The following RALGPS1 variants were observed in gnomAD, a reference collection of about 807,000 sequenced individuals.
RALGPS1 encodes the protein ras-specific guanine nucleotide-releasing factor RalGPS1.
Under a neutral mutation model 78.8 loss-of-function variants are expected in RALGPS1, and 19 were observed. The ratio of observed to expected loss-of-function variants is 0.24; its 90% CI spans 0.17 to 0.35. RALGPS1 has a LOEUF of 0.35. Ranked by LOEUF, RALGPS1 falls within the 10% of genes least tolerant of loss-of-function variation. The pLI is 1.00. For synonymous variants in RALGPS1, 228 were observed against 256.3 expected (o/e 0.89, Z 1.06); for missense variants, 454 against 688.3 (o/e 0.66, Z 3.81).
chr9:127,068,812 A>C (rs540051686), intron 7 of RALGPS1, among the ~76,000 whole-genome samples: 112 of 152,114 alleles, frequency 7.4e-4, no homozygotes, highest in Non-Finnish European at 1.4e-3. Context: ...GGTCATATTT[A>C]TATATGTTTT....
chr9:127,087,557 G>T (rs999671163), intron 8 of RALGPS1: 4 of 152,580 alleles, frequency 2.6e-5, no homozygotes, highest in Admixed American at 1.3e-4. Flanking sequence ...ACCGGGAAGG[G>T]TCTCACCTTC....
At chr9:127,175,677 CTTTTTTT>C (rs11354346) in intron 11 of RALGPS1, among the ~76,000 whole-genome samples, 1 of 108,982 alleles carries the variant, frequency 9.2e-6, no homozygotes, top group South Asian at 2.9e-4. Flanking sequence ...TTTGGGCCTC[CTTTTTTT>C]TTTTTTTTTT....
At chr9:127,200,605 G>C (rs2061581381) in intron 14 of RALGPS1, among the ~76,000 whole-genome samples, 1 of 152,228 alleles carries the variant, frequency 6.6e-6, no homozygotes, top group Admixed American at 6.5e-5. Flanking sequence ...GTTGGTGGGG[G>C]AGTGGCGATA....
chr9:126,930,734 C>T (rs907350545), intron 1 of RALGPS1, among the ~76,000 whole-genome samples: 2 of 152,244 alleles, frequency 1.3e-5, no homozygotes, highest in African/African-American at 4.8e-5. Flanking sequence ...GCTGGGATTA[C>T]AGGCGTGAGC....
At chr9:127,146,742 C>T (rs1232724586) in intron 8 of RALGPS1, among the ~76,000 whole-genome samples, 1 of 152,136 alleles carries the variant, frequency 6.6e-6, no homozygotes, top group East Asian at 1.9e-4. Flanking sequence ...TGGGGTCTCA[C>T]CATGTTGGCC....
intron 8 of RALGPS1, among the ~76,000 whole-genome samples, chr9:127,162,687 G>T (rs2059089639): frequency 6.6e-6 from 1 of 152,170 alleles, no homozygotes; most frequent in South Asian, 2.1e-4. Context: ...ACGTTTTGTA[G>T]AGGGGAATTA....
At chr9:127,102,867 C>A (rs537432551) in intron 8 of RALGPS1, among the ~76,000 whole-genome samples, 16 of 152,316 alleles carry the variant, frequency 1.1e-4, no homozygotes, top group Admixed American at 8.5e-4. Context: ...TTAACAAAAC[C>A]TTTTAGAATA....
At chr9:126,998,342 A>G (rs1031851444) in intron 4 of RALGPS1, among the ~76,000 whole-genome samples, 24 of 152,224 alleles carry the variant, frequency 1.6e-4, no homozygotes, top group African/African-American at 5.3e-4. Flanking sequence ...CAACCCCATC[A>G]AAAAGTGGGC....
chr9:127,192,243 A>G (rs529951345), intron 11 of RALGPS1, among the ~76,000 whole-genome samples: 4 of 152,376 alleles, frequency 2.6e-5, no homozygotes, highest in Admixed American at 2.0e-4. Flanking sequence ...TCTGGAGGCC[A>G]TGATGACTGT....
At chr9:126,942,447 G>C (rs779658627) in intron 1 of RALGPS1, among the ~76,000 whole-genome samples, 1 of 152,072 alleles carries the variant, frequency 6.6e-6, no homozygotes, top group Non-Finnish European at 1.5e-5. Context: ...CAAGTGAATA[G>C]TAAATAGTTT....
At chr9:127,149,352 G>A (rs1471525534) in intron 8 of RALGPS1, among the ~76,000 whole-genome samples, 1 of 152,246 alleles carries the variant, frequency 6.6e-6, no homozygotes, top group Non-Finnish European at 1.5e-5. Flanking sequence ...TCCATGGTAG[G>A]GGTGGTGCTG....
intron 4 of RALGPS1, among the ~76,000 whole-genome samples, chr9:127,029,904 G>A (rs1274550353): frequency 1.3e-5 from 2 of 152,232 alleles, no homozygotes; most frequent in Non-Finnish European, 2.9e-5. Flanking sequence ...GTGGCCCAGA[G>A]CAGCTTTGCA....
intron 4 of RALGPS1, among the ~76,000 whole-genome samples, chr9:127,008,660 A>G (rs1280670191): frequency 6.6e-6 from 1 of 152,216 alleles, no homozygotes; most frequent in Admixed American, 6.5e-5. Flanking sequence ...AGCCTGAATT[A>G]TGGTACAGAC....
chr9:127,098,060 A>AC (rs754133284), intron 8 of RALGPS1, among the ~76,000 whole-genome samples: 22 of 151,824 alleles, frequency 1.4e-4, no homozygotes, highest in Admixed American at 2.6e-4. Flanking sequence ...GAAGTTGTTC[A>AC]CCCCCCCAAC....
chr9:126,996,518 T>G (rs1020087530), intron 4 of RALGPS1, among the ~76,000 whole-genome samples: 10 of 152,066 alleles, frequency 6.6e-5, no homozygotes, highest in African/African-American at 1.9e-4. Context: ...AATAACAGGC[T>G]CTGAAATTGA....
chr9:127,173,314 G>A (rs1300996739), intron 10 of RALGPS1, among the ~76,000 whole-genome samples: 1 of 152,156 alleles, frequency 6.6e-6, no homozygotes, highest in Non-Finnish European at 1.5e-5. Flanking sequence ...AGCAGCTGGT[G>A]CCATTCAGCA....
At chr9:127,174,155 T>C (rs1303415758) in intron 10 of RALGPS1, among the ~76,000 whole-genome samples, 2 of 151,034 alleles carry the variant, frequency 1.3e-5, no homozygotes, top group East Asian at 1.9e-4. Flanking sequence ...AGCCAGCTAC[T>C]TGGGAGGCTG....
chr9:127,108,819 C>T lies in RALGPS1; in HGVS notation c.610+39463C>T, dbSNP rs1341592598. 5.2e-6 allele frequency: 7 copies of T among 1,348,650 alleles called. No homozygotes were observed. The Admixed American group carries it at 8.8e-5, about 17-fold the overall frequency. 83.5% of individuals were successfully genotyped at this position (1,348,650 alleles called of 1,614,324 possible). ...GAGGGGAGAATCAGTGATGGTCCCACCACTGTCAGTGCCCTGTGCCATCAG... is the reference window on the plus strand; with the variant it reads ...GAGGGGAGAATCAGTGATGGTCCCATCACTGTCAGTGCCCTGTGCCATCAG... On this transcript the variant is annotated intron_variant, in intron 8 of 18. Coordinates refer to ENST00000259351, the MANE Select transcript of RALGPS1 (RefSeq NM_014636.3).
intron 4 of RALGPS1, among the ~76,000 whole-genome samples, chr9:127,011,211 CTTG>C (rs919465169): frequency 6.6e-6 from 1 of 151,914 alleles, no homozygotes; most frequent in African/African-American, 2.4e-5. Flanking sequence ...GAGTTTTGCT[CTTG>C]TTGTCCAGGC....
Sources: allele counts gnomAD v4.1 joint callset (sites outside exome capture counted in the v4.1 genomes callset), GRCh38; gene constraint gnomAD v4.1.1; transcripts MANE v1.5; gene names NCBI Gene and HGNC (gene_info 2026-07-23, HGNC 2026-07-21).